OR3A2: variants seen among roughly 807,000 people sequenced by gnomAD.
The protein encoded by OR3A2 is olfactory receptor 3A2.
For synonymous variants in OR3A2, 126 were observed against 159.3 expected, an observed-to-expected ratio of 0.79 and a Z score of 1.57; for missense variants, 318 against 392.8, an observed-to-expected ratio of 0.81 and a Z score of 1.61.
intron 3 of OR3A2, chr17:3,291,436 G>C: frequency 4.1e-6 from 2 of 483,794 alleles, no homozygotes; most frequent in Non-Finnish European, 7.2e-6. Context: ...TAAGGGGCTG[G>C]CTTGGCAGAT....
At chr17:3,380,077 TC>T (rs752041454) in intron 2 of OR3A2, among the ~76,000 whole-genome samples, 28 of 152,322 alleles carry the variant, frequency 1.8e-4, no homozygotes, top group Admixed American at 3.9e-4. Flanking sequence ...AGGCCACTCC[TC>T]CTGCCTTTGG....
chr17:3,291,725 G>A (rs762550696), intron 3 of OR3A2: 2 of 1,613,642 alleles, frequency 1.2e-6, no homozygotes, highest in South Asian at 2.2e-5. Context: ...GGTTCAGCAT[G>A]GGATTGATGA....
intron 2 of OR3A2, among the ~76,000 whole-genome samples, chr17:3,348,396 G>C (rs76516835): frequency 6.6e-6 from 1 of 151,868 alleles, no homozygotes; most frequent in African/African-American, 2.4e-5. Context: ...GAAGCCTCAG[G>C]AGCCGATGCG....
intron 3 of OR3A2, among the ~76,000 whole-genome samples, chr17:3,335,743 G>C (rs2049271219): frequency 6.6e-6 from 1 of 152,144 alleles, no homozygotes; most frequent in Non-Finnish European, 1.5e-5. Flanking sequence ...TTTTATAGAT[G>C]AAGAAAGCCC....
exon 2 of OR3A2, chr17:3,277,775 A>T: frequency 1.6e-6 from 1 of 609,824 alleles, no homozygotes; most frequent in Non-Finnish European, 2.8e-6. Context: ...TGTCCAGATC[A>T]TAGAGGTACT....
At chr17:3,299,403 A>G (rs2625453) in intron 3 of OR3A2, among the ~76,000 whole-genome samples, 73,197 of 151,928 alleles carry the variant, frequency 0.48, 18,824 homozygotes, top group East Asian at 0.96. Context: ...GGGGCACTGG[A>G]ATTGCATCTT....
chr17:3,384,557 A>G (rs2049763370), intron 1 of OR3A2, among the ~76,000 whole-genome samples: 1 of 152,068 alleles, frequency 6.6e-6, no homozygotes, highest in South Asian at 2.1e-4. Flanking sequence ...AATTCTTCCC[A>G]AATTTCTCTA....
intron 2 of OR3A2, among the ~76,000 whole-genome samples, chr17:3,363,122 C>T (rs376305465): frequency 6.6e-6 from 1 of 151,834 alleles, no homozygotes; most frequent in Non-Finnish European, 1.5e-5. Flanking sequence ...TCCCCATTGT[C>T]TTGGCTCCCC....
rs575243766 is a variant in OR3A2, at chr17:3,371,595, G to T, written c.-179+12209C>A. Among the ~76,000 whole-genome samples, 91 of 140,008 alleles carry T rather than the reference G, an allele frequency of 6.5e-4. 1 individual carries two copies. The highest frequency in any genetic ancestry group is 2.4e-3 in the African/African-American group (88 of 37,156). 91.9% of individuals were successfully genotyped at this position (140,008 alleles called of 152,430 possible). ...TGATTCCCCCACCTCCCTCCCGGAC[G>T]GGGTGGCTGGCCGGGCAGAGGGGCT... On this transcript the variant is annotated intron_variant, in intron 2 of 4. Coordinates refer to the OR3A2 transcript ENST00000573491.
At chr17:3,372,639 C>G (rs1159064225) in intron 2 of OR3A2, among the ~76,000 whole-genome samples, 1 of 152,112 alleles carries the variant, frequency 6.6e-6, no homozygotes, top group African/African-American at 2.4e-5. Context: ...CCGGCCATCA[C>G]AGCGAAACCC....
chr17:3,352,355 A>G (rs946033831), intron 2 of OR3A2, among the ~76,000 whole-genome samples: 3 of 151,708 alleles, frequency 2.0e-5, no homozygotes, highest in African/African-American at 7.3e-5. Context: ...GAGTTACCCC[A>G]ATGTTTTGTT....
At chr17:3,371,830 T>TC (rs1567571176) in intron 2 of OR3A2, among the ~76,000 whole-genome samples, 1 of 87,456 alleles carries the variant, frequency 1.1e-5, no homozygotes, top group Non-Finnish European at 2.3e-5. Flanking sequence ...GGGGCTGACC[T>TC]CCCCACCACC....
rs1484154907 is a variant in OR3A2, at chr17:3,281,320, G to A, written c.-6-2397C>T. On this transcript the variant is annotated intron_variant, in intron 1 of 1. Transcript: ENST00000642052. The stretch of plus-strand genomic sequence containing the variant: ...ACGATCTCGGCTCACTGCAACCTCC[G>A]CCTCCCAGGTTCAAGAGATTCTCCT... 6.1e-5 allele frequency among the ~76,000 whole-genome samples: 9 copies of A among 147,960 alleles called. No homozygotes were observed. The South Asian group carries it at 1.9e-3, about 32-fold the overall frequency.
chr17:3,352,754 A>G (rs1169639832), intron 2 of OR3A2, among the ~76,000 whole-genome samples: 1 of 151,832 alleles, frequency 6.6e-6, no homozygotes, highest in East Asian at 1.9e-4. Context: ...TTTCATATAA[A>G]TTTTAGGATT....
intron 3 of OR3A2, among the ~76,000 whole-genome samples, chr17:3,304,219 T>C (rs1168470498): frequency 7.2e-5 from 11 of 152,128 alleles, no homozygotes. Flanking sequence ...ATAGTGTTTT[T>C]CTCTCCGGAT....
intron 3 of OR3A2, among the ~76,000 whole-genome samples, chr17:3,294,519 T>C (rs537863689): frequency 4.8e-4 from 73 of 152,300 alleles, no homozygotes; most frequent in African/African-American, 1.7e-3. Context: ...AGAACAATTA[T>C]TTAAAACTCA....
At chr17:3,300,516 A>G (rs9896911) in intron 3 of OR3A2, among the ~76,000 whole-genome samples, 72,971 of 151,710 alleles carry the variant, frequency 0.48, 18,710 homozygotes, top group East Asian at 0.96. Flanking sequence ...CTGAGATCAC[A>G]CCACTGCACT....
chr17:3,325,551 A>C (rs1269985031), intron 3 of OR3A2, among the ~76,000 whole-genome samples: 1 of 152,004 alleles, frequency 6.6e-6, no homozygotes, highest in Non-Finnish European at 1.5e-5. Flanking sequence ...CAAATTTTAA[A>C]TGTATATAGA....
intron 3 of OR3A2, among the ~76,000 whole-genome samples, chr17:3,335,795 C>T (rs1394734847): frequency 6.6e-6 from 1 of 152,158 alleles, no homozygotes; most frequent in East Asian, 1.9e-4. Flanking sequence ...CCAGCTTTGT[C>T]TTCATTCTTT....
Sources: gnomAD v4.1 joint callset for allele counts (sites outside exome capture counted in the v4.1 genomes callset) on GRCh38, gnomAD v4.1.1 for gene constraint, MANE v1.5 for transcripts, NCBI Gene and HGNC (gene_info 2026-07-23, HGNC 2026-07-21) for gene names.